The following CSMD3 variants were observed in gnomAD, a reference collection of about 807,000 sequenced individuals.
The protein encoded by CSMD3 is CUB and Sushi multiple domains 3.
Under a neutral mutation model 435.2 loss-of-function variants are expected in CSMD3, and 177 were observed. The observed-to-expected ratio is 0.41, with a 90% CI of 0.36 to 0.46. CSMD3 has a LOEUF of 0.46. CSMD3 is among the 20% of genes least tolerant of loss of function. CSMD3 has a pLI of 0.34. For missense variants in CSMD3, 4,265 were observed against 4,504.6 expected (o/e 0.95, Z 1.52); for synonymous variants, 1,656 against 1,520.5 (o/e 1.09, Z -2.07).
chr8:112,833,843 A>G (rs1487310513), intron 11 of CSMD3, among the ~76,000 whole-genome samples: 1 of 151,988 alleles, frequency 6.6e-6, no homozygotes, highest in African/African-American at 2.4e-5. Context: ...CTCATCTGTC[A>G]TCCTGCCAGA....
intron 24 of CSMD3, among the ~76,000 whole-genome samples, chr8:112,561,329 C>T (rs560749902): frequency 6.6e-6 from 1 of 151,648 alleles, no homozygotes; most frequent in South Asian, 2.1e-4. Flanking sequence ...ATTTCTAGAA[C>T]AAAAATGAAC....
chr8:112,905,953 TG>T (rs1347811961), intron 10 of CSMD3, among the ~76,000 whole-genome samples: 1 of 151,380 alleles, frequency 6.6e-6, no homozygotes, highest in African/African-American at 2.4e-5. Flanking sequence ...ATCATATGGG[TG>T]AGTTCACATG....
intron 50 of CSMD3, among the ~76,000 whole-genome samples, chr8:112,307,679 A>C (rs548866307): frequency 6.6e-6 from 1 of 152,316 alleles, no homozygotes; most frequent in South Asian, 2.1e-4. Flanking sequence ...TTCCAGAACC[A>C]ACTGGAGTTA....
chr8:112,546,453 A>G (rs1287854451), intron 27 of CSMD3, among the ~76,000 whole-genome samples: 1 of 152,204 alleles, frequency 6.6e-6, no homozygotes, highest in Non-Finnish European at 1.5e-5. Context: ...GGGGAACTTC[A>G]ACCTCTCATG....
chr8:112,778,068 G>A (rs2078289413), intron 13 of CSMD3, among the ~76,000 whole-genome samples: 1 of 151,760 alleles, frequency 6.6e-6, no homozygotes, highest in Non-Finnish European at 1.5e-5. Flanking sequence ...TTTGTTTTTA[G>A]AGCAGTTTTG....
At chr8:113,216,354 A>G (rs2092905436) in intron 3 of CSMD3, among the ~76,000 whole-genome samples, 2 of 151,846 alleles carry the variant, frequency 1.3e-5, no homozygotes, top group African/African-American at 4.8e-5. Context: ...GTTTATTTTC[A>G]TATGGGCATT....
Position 112,606,633 on chromosome 8 carries a change from G to A in CSMD3, c.3716-19398C>T, listed in dbSNP as rs376944220. Reference sequence around the variant, plus strand: ...TGGAATATTCTTCAGGACATATCACGTTAGGTCACAAAACAAGTCCGAACA... The same window carrying A: ...TGGAATATTCTTCAGGACATATCACATTAGGTCACAAAACAAGTCCGAACA... On this transcript the variant is annotated intron_variant, in intron 22 of 70. Transcript: ENST00000297405. 8.4e-4 allele frequency among the ~76,000 whole-genome samples: 128 copies of A among 152,230 alleles called. 3 individuals are homozygous for A. In the South Asian group the frequency reaches 0.024, roughly 29 times the overall value.
chr8:112,410,602 G>GTGTGTATATATA (rs1832267503), intron 32 of CSMD3, among the ~76,000 whole-genome samples: 1 of 80,524 alleles, frequency 1.2e-5, no homozygotes, highest in Non-Finnish European at 2.6e-5. Flanking sequence ...ATATATATAT[G>GTGTGTATATATA]TGTATATATA....
chr8:113,428,218 A>G (rs899335706), intron 1 of CSMD3, among the ~76,000 whole-genome samples: 33 of 136,804 alleles, frequency 2.4e-4, no homozygotes, highest in African/African-American at 8.5e-4. Flanking sequence ...CTATCTATCT[A>G]TCTATCTATC....
intron 20 of CSMD3, among the ~76,000 whole-genome samples, chr8:112,643,205 A>G (rs1186345414): frequency 1.3e-5 from 2 of 152,088 alleles, no homozygotes; most frequent in Non-Finnish European, 2.9e-5. Flanking sequence ...GAACAGGGAT[A>G]ACGGCTGCAG....
intron 13 of CSMD3, among the ~76,000 whole-genome samples, chr8:112,696,223 A>G (rs2076251934): frequency 6.6e-6 from 1 of 152,312 alleles, no homozygotes; most frequent in South Asian, 2.1e-4. Flanking sequence ...TGAAAAAACT[A>G]CTTTAAAGTT....
At chr8:112,751,795 G>T (rs1004757058) in intron 13 of CSMD3, among the ~76,000 whole-genome samples, 10 of 151,722 alleles carry the variant, frequency 6.6e-5, no homozygotes, top group African/African-American at 1.7e-4. Context: ...TCTATTTAAA[G>T]CCATTATTTC....
chr8:112,964,702 T>A (rs2084354024), intron 7 of CSMD3, among the ~76,000 whole-genome samples: 1 of 151,910 alleles, frequency 6.6e-6, no homozygotes, highest in Admixed American at 6.6e-5. Flanking sequence ...TTCTAACATC[T>A]CTGGGCTCTG....
chr8:113,377,216 G>A, intron 1 of CSMD3: 1 of 993,624 alleles, frequency 1.0e-6, no homozygotes, highest in South Asian at 2.3e-5. Context: ...GCGCGCGAGA[G>A]ACCGAAGGGC....
At chr8:112,755,909 G>GTTTTATTTTA (rs139913436) in intron 13 of CSMD3, among the ~76,000 whole-genome samples, 12 of 149,120 alleles carry the variant, frequency 8.0e-5, no homozygotes, top group African/African-American at 2.7e-4. Flanking sequence ...ATTTTATTTA[G>GTTTTATTTTA]TTTTATTTTA....
At chr8:113,328,198 G>C (rs529604254) in intron 1 of CSMD3, among the ~76,000 whole-genome samples, 50 of 152,048 alleles carry the variant, frequency 3.3e-4, no homozygotes, top group Non-Finnish European at 5.6e-4. Flanking sequence ...CAGCACTTTG[G>C]GAGGCCGAGG....
chr8:112,894,230 T>A (rs2081885609), intron 10 of CSMD3, among the ~76,000 whole-genome samples: 1 of 151,490 alleles, frequency 6.6e-6, no homozygotes, highest in South Asian at 2.1e-4. Context: ...GAGAGATTCA[T>A]TTGTATCAGC....
At chr8:113,196,019 T>A (rs1208878685) in intron 3 of CSMD3, among the ~76,000 whole-genome samples, 1 of 150,782 alleles carries the variant, frequency 6.6e-6, no homozygotes, top group African/African-American at 2.4e-5. Context: ...CTTCAGTTAA[T>A]TTATTAGGAA....
At chr8:112,812,539 G>T (rs1172867850) in intron 12 of CSMD3, among the ~76,000 whole-genome samples, 1 of 152,046 alleles carries the variant, frequency 6.6e-6, no homozygotes, top group African/African-American at 2.4e-5. Flanking sequence ...TTTCATTCCT[G>T]CCCTTAAAGT....
Sources: gnomAD v4.1 joint callset for allele counts (sites outside exome capture counted in the v4.1 genomes callset) on GRCh38, gnomAD v4.1.1 for gene constraint, MANE v1.5 for transcripts, NCBI Gene and HGNC (gene_info 2026-07-23, HGNC 2026-07-21) for gene names.